The following CCDC73 variants were observed in gnomAD, a reference collection of about 807,000 sequenced individuals.
The protein encoded by CCDC73 is coiled-coil domain-containing protein 73.
Under a neutral mutation model 116.5 loss-of-function variants are expected in CCDC73, and 95 were observed. That is an observed-to-expected ratio of 0.82 (90% CI 0.69 to 0.97). The LOEUF (loss-of-function observed/expected upper bound fraction) is 0.97, where lower values mean the gene tolerates loss of function less well. Among genes scored for constraint, CCDC73 ranks in the 50% least tolerant of loss-of-function variants. The probability of loss-of-function intolerance (pLI) is 0.00; values close to 1 mark genes in which losing one functional copy is unlikely to be tolerated. For synonymous variants in CCDC73, 398 were observed against 401.3 expected, an observed-to-expected ratio of 0.99 and a Z score of 0.10; for missense variants, 1,066 against 1,206.8, an observed-to-expected ratio of 0.88 and a Z score of 1.73.
In CCDC73 at chr11:32,614,411, T is replaced by C; in HGVS notation, c.1907A>G (p.Lys636Arg). The change falls in exon 16 of 18, where the codon AAA (lysine) becomes AGA (arginine). Residue 636 changes from lysine (K) to arginine (R), a missense_variant. By Grantham distance (26) the Lys-to-Arg change is conservative (BLOSUM62 2). Coordinates refer to ENST00000335185, the MANE Select transcript of CCDC73 (RefSeq NM_001008391.4). Reference protein sequence around the residue: ...KADLDSSLDIKKNPVPCQKYS... With the variant: ...KADLDSSLDIRKNPVPCQKYS... ...TTTCTGACATGGAACAGGATTTTTT[T>C]TTATATCTAGAGACGAGTCCAAATC... 2 of 1,613,546 alleles carry C rather than the reference T, an allele frequency of 1.2e-6. No individual in the cohort carries two copies. The highest frequency in any genetic ancestry group is 1.7e-6 in the Non-Finnish European group (2 of 1,179,720).
chr11:32,649,016 T>C (rs35878921), intron 12 of CCDC73, among the ~76,000 whole-genome samples: 12,830 of 152,288 alleles, frequency 0.084, 619 homozygotes, highest in South Asian at 0.12. Flanking sequence ...AACTCTTAAC[T>C]TGCCCCTTCA....
At chr11:32,682,069 C>T (rs1453746041) in intron 7 of CCDC73, 4 of 151,280 alleles carry the variant, frequency 2.6e-5, no homozygotes, top group African/African-American at 9.7e-5. Context: ...TAACAAAAAG[C>T]TTAGAAGTGA....
chr11:32,796,356 C>T (rs1850728051), upstream of CCDC73, among the ~76,000 whole-genome samples: 1 of 152,150 alleles, frequency 6.6e-6, no homozygotes, highest in Admixed American at 6.6e-5. Flanking sequence ...TATTTACCAA[C>T]CATAACAGCT....
At chr11:32,796,036 G>A (rs1342303670), upstream of CCDC73, among the ~76,000 whole-genome samples, 2 of 152,080 alleles carry the variant, frequency 1.3e-5, no homozygotes, top group Non-Finnish European at 2.9e-5. Flanking sequence ...AAATCTGTCT[G>A]GAATTCTTTT....
upstream of CCDC73, among the ~76,000 whole-genome samples, chr11:32,794,992 T>C (rs1271254442): frequency 2.0e-5 from 3 of 151,788 alleles, no homozygotes; most frequent in African/African-American, 2.4e-5. Context: ...AGCCTCCCGA[T>C]ATATTCGTTT....
At chr11:32,720,825 G>T (rs1373616029) in intron 2 of CCDC73, among the ~76,000 whole-genome samples, 2 of 152,088 alleles carry the variant, frequency 1.3e-5, no homozygotes, top group East Asian at 3.9e-4. Context: ...GAATTTGCCT[G>T]GGAAGAGGCA....
intron 6 of CCDC73, among the ~76,000 whole-genome samples, chr11:32,699,024 T>C (rs945027675): frequency 2.0e-5 from 3 of 151,874 alleles, no homozygotes; most frequent in African/African-American, 7.2e-5. Flanking sequence ...TTTAACTATA[T>C]TAATAAGATA....
At chr11:32,634,032 T>G (rs556522142) in intron 14 of CCDC73, among the ~76,000 whole-genome samples, 1 of 152,264 alleles carries the variant, frequency 6.6e-6, no homozygotes, top group South Asian at 2.1e-4. Flanking sequence ...CTGTAAATAA[T>G]TTAAATACTG....
chr11:32,629,259 ACTT>A (rs770874376), intron 14 of CCDC73, among the ~76,000 whole-genome samples: 10 of 152,124 alleles, frequency 6.6e-5, no homozygotes, highest in Non-Finnish European at 1.0e-4. Context: ...AATGACCAAA[ACTT>A]CTCCAAATTT....
Position 32,602,855 on chromosome 11 carries a change from T to C in CCDC73, c.3196A>G (p.Arg1066Gly). 1 of 1,610,088 alleles carries C rather than the reference T, an allele frequency of 6.2e-7. No individual in the cohort carries two copies. Among genetic ancestry groups the C allele is most frequent in the Non-Finnish European group, 8.5e-7 (1 of 1,178,532 alleles). The change falls in exon 18 of 18, where the codon AGA becomes GGA. Residue 1066 changes from arginine (R) to glycine (G), a missense_variant. Physicochemically the swap from Arg to Gly is moderately radical, Grantham distance 125 (BLOSUM62 -2). Coordinates refer to ENST00000335185, the MANE Select transcript of CCDC73 (RefSeq NM_001008391.4). ...TTTTCCAACGTCTCTTCTGCTTTTC[T>C]TTTCTTTGGCTGGTTGTCATTTTCT... Reference protein sequence around the residue: ...SLENDNQPKKRKAEETLEKNN... With the variant: ...SLENDNQPKKGKAEETLEKNN...
intron 14 of CCDC73, among the ~76,000 whole-genome samples, chr11:32,629,503 C>T (rs1218165661): frequency 6.6e-6 from 1 of 151,484 alleles, no homozygotes; most frequent in Admixed American, 6.6e-5. Context: ...CGGGTTCAAG[C>T]GTTCTCCTGC....
rs545903852 is a variant in CCDC73, at chr11:32,760,099, A to C, written c.135+10T>G. The C allele has an allele frequency of 6.3e-7, 1 of 1,581,302 alleles. No individual in the cohort carries two copies. Among genetic ancestry groups the C allele is most frequent in the East Asian group, 2.2e-5 (1 of 44,598 alleles). On this transcript the variant is annotated intron_variant, in intron 2 of 17. Transcript: ENST00000335185. ...CTTATTTAACAAAAGCATTTTAAAA[A>C]GGAGCTTACCCTTCTCATACGCAAT...
chr11:32,640,735 C>T (rs1240309092), intron 13 of CCDC73, among the ~76,000 whole-genome samples: 15 of 152,108 alleles, frequency 9.9e-5, no homozygotes, highest in South Asian at 8.3e-4. Context: ...ATGTTAGTTC[C>T]GGCTGGGCGA....
chr11:32,758,088 G>C (rs1414001650), intron 2 of CCDC73, among the ~76,000 whole-genome samples: 2 of 152,130 alleles, frequency 1.3e-5, no homozygotes, highest in East Asian at 3.8e-4. Context: ...ACCGCCATCA[G>C]GGTAAATGGG....
At chr11:32,825,681 T>A in the CCDC73 span, among the ~76,000 whole-genome samples, 1 of 152,204 alleles carries the variant, frequency 6.6e-6, no homozygotes, top group South Asian at 2.1e-4. Context: ...CTTTTTCACA[T>A]GTGTTTGGAA....
chr11:32,688,818 T>C (rs1480666533), intron 6 of CCDC73, among the ~76,000 whole-genome samples: 1 of 151,952 alleles, frequency 6.6e-6, no homozygotes, highest in East Asian at 1.9e-4. Context: ...ATATATAGCA[T>C]CAATAAAAAA....
In CCDC73 at chr11:32,614,126, T is replaced by C. The variant is rs750864723; in HGVS notation, c.2192A>G (p.His731Arg). 2.5e-6 allele frequency: 4 copies of C among 1,613,750 alleles called. No homozygotes were observed. The highest frequency in any genetic ancestry group is 1.1e-5 in the South Asian group (1 of 91,080). The stretch of plus-strand genomic sequence containing the variant: ...AGGTTTCACCAACATAGACATACTA[T>C]GGACATTTTTATCTGAGTTCTTCAG... ...LLLKNSDKNV[H>R]SMSMLVKPNS... Residue 731 changes from histidine (H) to arginine (R), a missense_variant, in exon 16 of 18, where the codon CAT (histidine) becomes CGT (arginine). His to Arg is a conservative substitution (Grantham distance 29). Coordinates refer to ENST00000335185, the MANE Select transcript of CCDC73 (RefSeq NM_001008391.4).
At position 32,653,170 on chromosome 11, in the gene CCDC73, T is replaced by C. The variant is rs768258835; in HGVS notation, c.892A>G (p.Asn298Asp). The change falls in exon 12 of 18, where the codon AAT (asparagine) becomes GAT (aspartate). Residue 298 changes from asparagine to aspartate, a missense_variant. By Grantham distance (23) the Asn-to-Asp change is conservative. Coordinates refer to ENST00000335185, the MANE Select transcript of CCDC73 (RefSeq NM_001008391.4). The part of the protein sequence containing the change: ...QQLLRQQIQA[N>D]TEMEAELKVL... ...TTCAATTCTGCCTCCATTTCAGTAT[T>C]AGCTTGAATTTGTTGCCGAAGTAAC... 1.1e-5 allele frequency: 17 copies of C among 1,612,064 alleles called. No individual in the cohort carries two copies. Among genetic ancestry groups the C allele is most frequent in the Non-Finnish European group, 1.1e-5 (13 of 1,179,164 alleles).
At chr11:32,796,839 G>T (rs573227906), upstream of CCDC73, among the ~76,000 whole-genome samples, 1 of 151,642 alleles carries the variant, frequency 6.6e-6, no homozygotes, top group Non-Finnish European at 1.5e-5. Flanking sequence ...GAGAAACCCC[G>T]TCTCTACAAA....
Sources: gnomAD v4.1 joint callset for allele counts (sites outside exome capture counted in the v4.1 genomes callset) on GRCh38, gnomAD v4.1.1 for gene constraint, MANE v1.5 for transcripts, NCBI Gene and HGNC (gene_info 2026-07-23, HGNC 2026-07-21) for gene names.